Variants in LRP1B observed in about 807,000 individuals in gnomAD.
LRP1B encodes the protein LDL receptor related protein 1B.
LRP1B carries 217 observed loss-of-function variants against 556.6 expected under a neutral mutation model. That is an observed-to-expected ratio of 0.39 (90% CI 0.35 to 0.44). LRP1B has a LOEUF of 0.44. Ranked by LOEUF, LRP1B falls within the 20% of genes least tolerant of loss-of-function variation. The probability of loss-of-function intolerance (pLI) is 1.00; values close to 1 mark genes in which losing one functional copy is unlikely to be tolerated. For synonymous variants in LRP1B, 2,047 were observed against 1,865.8 expected, an observed-to-expected ratio of 1.10 and a Z score of -2.50; for missense variants, 5,053 against 5,620.8, an observed-to-expected ratio of 0.90 and a Z score of 3.23.
At chr2:140,958,494 T>G (rs990922256) in intron 18 of LRP1B, among the ~76,000 whole-genome samples, 36 of 151,466 alleles carry the variant, frequency 2.4e-4, no homozygotes, top group African/African-American at 7.3e-4. Flanking sequence ...TCTGAAGAAA[T>G]CACCATAGTT....
intron 2 of LRP1B, among the ~76,000 whole-genome samples, chr2:141,631,086 G>A (rs1688890146): frequency 6.6e-6 from 1 of 152,140 alleles, no homozygotes; most frequent in Admixed American, 6.5e-5. Context: ...AGGCTAGGGA[G>A]GCCTCAGGAA....
chr2:142,105,249 A>T (rs1042108544), intron 1 of LRP1B, among the ~76,000 whole-genome samples: 3 of 152,174 alleles, frequency 2.0e-5, no homozygotes, highest in Admixed American at 1.3e-4. Context: ...AAACCATTAA[A>T]GAGTTTTAGA....
intron 89 of LRP1B, 62 bp from the exon 90 acceptor site, chr2:140,234,946 A>G (rs1194386834): frequency 2.8e-6 from 2 of 715,634 alleles, no homozygotes; most frequent in Non-Finnish European, 5.2e-6. Flanking sequence ...TTTCATCGAT[A>G]CATATCATGT....
At chr2:141,283,583 C>T (rs568838946) in intron 3 of LRP1B, among the ~76,000 whole-genome samples, 2 of 150,834 alleles carry the variant, frequency 1.3e-5, no homozygotes, top group South Asian at 2.1e-4. Flanking sequence ...ACAGCAAAGT[C>T]CTTGAGGATG....
At chr2:141,939,116 T>C (rs1411270210) in intron 1 of LRP1B, among the ~76,000 whole-genome samples, 1 of 151,686 alleles carries the variant, frequency 6.6e-6, no homozygotes, top group East Asian at 1.9e-4. Context: ...GAAAATTTGC[T>C]AGGAGTGTAG....
chr2:141,228,919 C>T (rs1222116375), intron 6 of LRP1B, among the ~76,000 whole-genome samples: 1 of 151,966 alleles, frequency 6.6e-6, no homozygotes, highest in East Asian at 1.9e-4. Flanking sequence ...AAAATCAATT[C>T]CCAGTCAGGT....
chr2:142,025,474 T>C (rs142022295), intron 1 of LRP1B, among the ~76,000 whole-genome samples: 12 of 152,268 alleles, frequency 7.9e-5, no homozygotes, highest in Non-Finnish European at 1.8e-4. Context: ...AATTTGAATC[T>C]AGGTATCCAG....
At chr2:142,109,621 A>T (rs1482076775) in intron 1 of LRP1B, among the ~76,000 whole-genome samples, 1 of 152,164 alleles carries the variant, frequency 6.6e-6, no homozygotes, top group Admixed American at 6.6e-5. Context: ...ATACCTATGA[A>T]TTTATCAGAA....
chr2:140,770,238 C>G (rs1486604045), intron 34 of LRP1B, among the ~76,000 whole-genome samples: 3 of 151,516 alleles, frequency 2.0e-5, no homozygotes, highest in Non-Finnish European at 4.4e-5. Flanking sequence ...ACATAAGTAT[C>G]ATATAAATAT....
chr2:141,177,509 G>T (rs1157789722), intron 7 of LRP1B, among the ~76,000 whole-genome samples: 2 of 152,110 alleles, frequency 1.3e-5, no homozygotes, highest in Non-Finnish European at 2.9e-5. Context: ...AATATCATTT[G>T]CAATATCTTG....
chr2:141,320,171 C>G (rs1198305244), intron 3 of LRP1B, among the ~76,000 whole-genome samples: 1 of 152,022 alleles, frequency 6.6e-6, no homozygotes, highest in Non-Finnish European at 1.5e-5. Context: ...CCTTTATTAT[C>G]CAAAGAAGTA....
At position 140,373,150 on chromosome 2, in the gene LRP1B, A is replaced by C; in HGVS notation, c.10639-13T>G. On this transcript the variant is annotated splice_polypyrimidine_tract_variant and intron_variant, in intron 68 of 90. Transcript: ENST00000389484. ...TCTCACAATTTCTCTATGAAAAACA[A>C]CAGAGATATAATCAAAATTAAAATT... is the stretch of plus-strand genomic sequence containing the variant. 6.2e-7 allele frequency: 1 copy of C among 1,611,026 alleles called. No individual in the cohort carries two copies. The highest frequency in any genetic ancestry group is 8.5e-7 in the Non-Finnish European group (1 of 1,178,158).
At chr2:140,285,324 C>A (rs141428617) in intron 84 of LRP1B, among the ~76,000 whole-genome samples, 1 of 81,024 alleles carries the variant, frequency 1.2e-5, no homozygotes. Context: ...CATACACACA[C>A]ATATACACAT....
rs1047873145 is a variant in LRP1B at position 140,532,745 on chromosome 2, A to G, written c.7762+1276T>C. Among the ~76,000 whole-genome samples, 5 of 151,654 alleles carry G rather than the reference A, an allele frequency of 3.3e-5. No homozygotes were observed. The East Asian group carries it at 9.7e-4, about 29-fold the overall frequency. ...TGTAATCTGTCTGTGACTATATCAAATTACTTTCAGTTTCAATGGTAGTCC... is the reference window on the plus strand; with the variant it reads ...TGTAATCTGTCTGTGACTATATCAAGTTACTTTCAGTTTCAATGGTAGTCC... On this transcript the variant is annotated intron_variant, in intron 47 of 90. Coordinates refer to ENST00000389484, the MANE Select transcript of LRP1B (RefSeq NM_018557.3).
intron 1 of LRP1B, among the ~76,000 whole-genome samples, chr2:142,053,599 G>A (rs775663764): frequency 3.0e-4 from 45 of 152,256 alleles, no homozygotes; most frequent in African/African-American, 9.1e-4. Flanking sequence ...AACACTGAAC[G>A]TGTAGGACTG....
At chr2:141,674,353 C>T (rs193054754) in intron 2 of LRP1B, among the ~76,000 whole-genome samples, 73 of 152,154 alleles carry the variant, frequency 4.8e-4, no homozygotes, top group African/African-American at 1.8e-3. Flanking sequence ...TCTGAATCTT[C>T]ACCCATTGCA....
chr2:141,819,855 T>C (rs1207418756), intron 1 of LRP1B, among the ~76,000 whole-genome samples: 1 of 152,176 alleles, frequency 6.6e-6, no homozygotes, highest in East Asian at 1.9e-4. Flanking sequence ...TCATTAACTA[T>C]CTGAATATAT....
At chr2:141,312,335 T>C (rs1361485592) in intron 3 of LRP1B, among the ~76,000 whole-genome samples, 1 of 152,188 alleles carries the variant, frequency 6.6e-6, no homozygotes, top group African/African-American at 2.4e-5. Context: ...GTTAAACATA[T>C]TTTTTCTTAA....
chr2:141,790,410 G>C (rs777535186), intron 2 of LRP1B, among the ~76,000 whole-genome samples: 1 of 151,692 alleles, frequency 6.6e-6, no homozygotes, highest in Non-Finnish European at 1.5e-5. Context: ...GTTTCAAGCT[G>C]TGTTCTATTG....
Sources: gnomAD v4.1 joint callset for allele counts (sites outside exome capture counted in the v4.1 genomes callset) on GRCh38, gnomAD v4.1.1 for gene constraint, MANE v1.5 for transcripts, NCBI Gene and HGNC (gene_info 2026-07-23, HGNC 2026-07-21) for gene names.